The following CTNNA3 variants were observed in gnomAD, a reference collection of about 807,000 sequenced individuals.
CTNNA3 encodes catenin alpha 3, also known as catenin alpha-3.
CTNNA3 carries 76 observed loss-of-function variants against 95.7 expected under a neutral mutation model. That is an observed-to-expected ratio of 0.79 (90% CI 0.66 to 0.96). The LOEUF is 0.96. Among genes scored for constraint, CTNNA3 ranks in the 40% least tolerant of loss-of-function variants. The pLI is 0.00. For missense variants in CTNNA3, 1,191 were observed against 1,089.8 expected (o/e 1.09, Z -1.31); for synonymous variants, 431 against 374.4 (o/e 1.15, Z -1.74).
intron 7 of CTNNA3, among the ~76,000 whole-genome samples, chr10:66,940,090 A>G (rs1165260156): frequency 2.0e-5 from 3 of 152,096 alleles, no homozygotes; most frequent in Non-Finnish European, 2.9e-5. Context: ...TGCTTTCAGT[A>G]CTGGAATCTG....
At chr10:67,430,042 G>T (rs1846058132) in intron 5 of CTNNA3, among the ~76,000 whole-genome samples, 1 of 151,988 alleles carries the variant, frequency 6.6e-6, no homozygotes. Context: ...TTGGTGAGAA[G>T]AGTATATTAC....
chr10:66,543,811 T>C (rs1010564519), intron 10 of CTNNA3, among the ~76,000 whole-genome samples: 1 of 150,814 alleles, frequency 6.6e-6, no homozygotes, highest in Non-Finnish European at 1.5e-5. Context: ...TTTTTAAAGT[T>C]TCTTCTCCCA....
At chr10:67,464,556 C>A (rs1847509747) in intron 5 of CTNNA3, among the ~76,000 whole-genome samples, 1 of 152,122 alleles carries the variant, frequency 6.6e-6, no homozygotes, top group Admixed American at 6.6e-5. Flanking sequence ...TATTAAACCT[C>A]TTTGAAGAGC....
At chr10:66,283,770 G>A (rs1419357406) in intron 12 of CTNNA3, among the ~76,000 whole-genome samples, 1 of 151,554 alleles carries the variant, frequency 6.6e-6, no homozygotes, top group Non-Finnish European at 1.5e-5. Context: ...ATCAGCTGTG[G>A]GTGTACTTTA....
At chr10:67,315,186 G>C (rs986333092) in intron 5 of CTNNA3, among the ~76,000 whole-genome samples, 3 of 152,064 alleles carry the variant, frequency 2.0e-5, no homozygotes, top group African/African-American at 7.2e-5. Flanking sequence ...TGTATCTTCA[G>C]CCCAACCTCT....
chr10:67,333,832 C>G (rs1841886618), intron 5 of CTNNA3, among the ~76,000 whole-genome samples: 1 of 152,060 alleles, frequency 6.6e-6, no homozygotes, highest in Non-Finnish European at 1.5e-5. Context: ...ACTTTCATCT[C>G]TCACATCAAT....
chr10:67,075,981 C>T (rs1336704461), intron 7 of CTNNA3, among the ~76,000 whole-genome samples: 1 of 152,140 alleles, frequency 6.6e-6, no homozygotes, highest in Non-Finnish European at 1.5e-5. Context: ...ATATAAACCT[C>T]TCTCTTTTTT....
At chr10:66,100,576 C>T (rs1021450737) in intron 14 of CTNNA3, among the ~76,000 whole-genome samples, 15 of 152,074 alleles carry the variant, frequency 9.9e-5, no homozygotes, top group African/African-American at 3.6e-4. Flanking sequence ...GAGAACTGTA[C>T]GCAGCAGAAC....
chr10:66,829,885 A>T (rs1015598010), intron 7 of CTNNA3, among the ~76,000 whole-genome samples: 6 of 35,254 alleles, frequency 1.7e-4, no homozygotes, highest in African/African-American at 3.8e-4. Context: ...GTTGTTGTTG[A>T]GACGGAGTCT....
intron 13 of CTNNA3, among the ~76,000 whole-genome samples, chr10:66,212,979 G>T (rs1238066356): frequency 6.6e-6 from 1 of 152,136 alleles, no homozygotes; most frequent in Non-Finnish European, 1.5e-5. Flanking sequence ...TCATGCCACT[G>T]CACTAGAGCC....
At chr10:65,930,570 C>T (rs2077237245) in intron 17 of CTNNA3, among the ~76,000 whole-genome samples, 1 of 152,066 alleles carries the variant, frequency 6.6e-6, no homozygotes, top group African/African-American at 2.4e-5. Flanking sequence ...ATGCATATCC[C>T]CTCATTTTTA....
intron 7 of CTNNA3, 64 bp from the exon 8 acceptor site, chr10:66,775,588 C>T: frequency 8.4e-7 from 1 of 1,184,742 alleles, no homozygotes; most frequent in Non-Finnish European, 1.2e-6. Context: ...TAGCAATTTG[C>T]TTTCTAAATT....
At chr10:67,727,222 T>C (rs1200677237) in intron 1 of CTNNA3, among the ~76,000 whole-genome samples, 1 of 125,912 alleles carries the variant, frequency 7.9e-6, no homozygotes, top group African/African-American at 3.1e-5. Flanking sequence ...TATATATGTA[T>C]ATTACATATT....
chr10:67,404,478 C>T (rs1465892076), intron 5 of CTNNA3, among the ~76,000 whole-genome samples: 2 of 151,606 alleles, frequency 1.3e-5, no homozygotes, highest in African/African-American at 2.4e-5. Flanking sequence ...GAATGTCATT[C>T]TGAAATAACA....
At chr10:67,083,774 A>C (rs10762136) in intron 7 of CTNNA3, among the ~76,000 whole-genome samples, 83,444 of 151,926 alleles carry the variant, frequency 0.55, 24,085 homozygotes, top group African/African-American at 0.74. Context: ...AAAATACATT[A>C]GTTCTCCCCA....
intron 17 of CTNNA3, among the ~76,000 whole-genome samples, chr10:65,926,358 T>G (rs2077168799): frequency 6.6e-6 from 1 of 152,118 alleles, no homozygotes; most frequent in Non-Finnish European, 1.5e-5. Flanking sequence ...AGTATGTACC[T>G]GAGAGTGCCA....
In CTNNA3 at chr10:66,621,605, GA is replaced by G. The variant is rs144188579; in HGVS notation, c.1374+86del. Reference sequence around the variant, plus strand: ...AGACCTGGTCTCAAAAAAAAAAAAAGAAAAAAAAATAGTGTATTTTCATATG... The same window carrying G: ...AGACCTGGTCTCAAAAAAAAAAAAAGAAAAAAAATAGTGTATTTTCATATG... On this transcript the variant is annotated intron_variant, in intron 10 of 17. Coordinates refer to ENST00000433211, the MANE Select transcript of CTNNA3 (RefSeq NM_013266.4). 2.2e-3 allele frequency: 1,371 copies of G among 616,756 alleles called. 11 individuals carry two copies. Among genetic ancestry groups the G allele is most frequent in the African/African-American group, 0.018 (879 of 47,786 alleles). 38.2% of individuals were successfully genotyped at this position (616,756 alleles called of 1,614,324 possible).
intron 9 of CTNNA3, among the ~76,000 whole-genome samples, chr10:66,668,477 A>C (rs1004814074): frequency 6.6e-6 from 1 of 151,702 alleles, no homozygotes; most frequent in Non-Finnish European, 1.5e-5. Flanking sequence ...CCACATATAT[A>C]CATACATACA....
chr10:65,927,173 T>A (rs1221245220), intron 17 of CTNNA3, among the ~76,000 whole-genome samples: 19 of 152,184 alleles, frequency 1.2e-4, no homozygotes, highest in Non-Finnish European at 1.0e-4. Context: ...TTCACTGATT[T>A]TTTAGTTAAC....
Sources: allele counts gnomAD v4.1 joint callset (sites outside exome capture counted in the v4.1 genomes callset), GRCh38; gene constraint gnomAD v4.1.1; transcripts MANE v1.5; gene names NCBI Gene and HGNC (gene_info 2026-07-23, HGNC 2026-07-21).